CSRNP3: variants seen among roughly 807,000 people sequenced by gnomAD.
CSRNP3 encodes the protein cysteine/serine-rich nuclear protein 3.
CSRNP3 carries 12 observed loss-of-function variants against 48.0 expected under a neutral mutation model. The observed-to-expected ratio is 0.25, with a 90% CI of 0.16 to 0.41. CSRNP3 has a LOEUF of 0.41. CSRNP3 is among the 10% of genes least tolerant of loss of function. The pLI, the probability that CSRNP3 is intolerant of heterozygous loss-of-function variation, is 1.00. For synonymous variants in CSRNP3, 263 were observed against 269.7 expected, an observed-to-expected ratio of 0.98 and a Z score of 0.24; for missense variants, 580 against 724.4, an observed-to-expected ratio of 0.80 and a Z score of 2.29.
At chr2:165,664,446 C>T (rs1056374602) in intron 5 of CSRNP3, among the ~76,000 whole-genome samples, 4 of 152,202 alleles carry the variant, frequency 2.6e-5, no homozygotes, top group Non-Finnish European at 5.9e-5. Context: ...CCATGTGACC[C>T]GAATTCTGCC....
Position 165,679,893 on chromosome 2 carries a change from T to C in CSRNP3, c.*140T>C, listed in dbSNP as rs541881313. 31 of 1,233,298 alleles carry C rather than the reference T, an allele frequency of 2.5e-5. No individual in the cohort carries two copies. The African/African-American group carries it at 4.5e-4, about 18-fold the overall frequency. The allele number at this position is 1,233,298 out of a possible 1,614,324, so 76.4% of individuals were successfully genotyped here. On this transcript the variant is annotated 3_prime_UTR_variant, in exon 7 of 7. Transcript: ENST00000651982. ...AATCTTCCAGACTGTATTTTGTTTTTTCCTTTCTAGCCACATGACTGTGGC... is the reference window on the plus strand; with the variant it reads ...AATCTTCCAGACTGTATTTTGTTTTCTCCTTTCTAGCCACATGACTGTGGC...
chr2:165,595,110 C>T lies in CSRNP3; in HGVS notation c.45C>T (p.Ser15=), dbSNP rs1239343537. The part of the protein sequence containing the change: ...LKRKFEEVDG[S]SPCSSVRESD... ...GGAAGTTTGAAGAAGTTGACGGCTC[C>T]TCACCCTGCTCCTCTGTGAGGGAAT... The change falls in exon 4 of 7, where the codon TCC becomes TCT. Residue 15 remains serine (S), a synonymous_variant. Transcript: ENST00000651982. 26 of 1,614,096 alleles carry T rather than the reference C, an allele frequency of 1.6e-5. No homozygotes were observed. Among genetic ancestry groups the T allele is most frequent in the Non-Finnish European group, 2.2e-5 (26 of 1,179,968 alleles).
chr2:165,492,999 G>A (rs928436392), intron 1 of CSRNP3, among the ~76,000 whole-genome samples: 1 of 149,346 alleles, frequency 6.7e-6, no homozygotes, highest in South Asian at 2.1e-4. Context: ...ATGATGATAC[G>A]ATAAGGTAGA....
intron 4 of CSRNP3, among the ~76,000 whole-genome samples, chr2:165,630,382 C>G (rs752667554): frequency 3.3e-5 from 5 of 152,068 alleles, no homozygotes; most frequent in Non-Finnish European, 7.4e-5. Flanking sequence ...GATTTATTGC[C>G]TTTCCCTCTT....
chr2:165,555,079 T>C (rs1685144584), intron 3 of CSRNP3, among the ~76,000 whole-genome samples: 1 of 152,152 alleles, frequency 6.6e-6, no homozygotes, highest in East Asian at 1.9e-4. Context: ...CTCACCTCCT[T>C]CAGGTCTTTG....
At position 165,566,342 on chromosome 2, in the gene CSRNP3, C is replaced by A. The variant is rs539104951; in HGVS notation, c.-23-28701C>A. ...TATTTTCCATAAAAGAACTCCTACT[C>A]ATTCCTGAAGATTTATTTCCCATGT... is the stretch of plus-strand genomic sequence containing the variant. On this transcript the variant is annotated intron_variant, in intron 3 of 6. Coordinates refer to ENST00000651982, the MANE Select transcript of CSRNP3 (RefSeq NM_001172173.2). Among the ~76,000 whole-genome samples, 7 of 152,014 alleles carry A rather than the reference C, an allele frequency of 4.6e-5. No individual in the cohort carries two copies. In the South Asian group the frequency reaches 1.2e-3, roughly 27 times the overall value.
chr2:165,599,346 A>C (rs1685871885), intron 4 of CSRNP3, among the ~76,000 whole-genome samples: 1 of 150,900 alleles, frequency 6.6e-6, no homozygotes, highest in Admixed American at 6.6e-5. Context: ...AAAAAAAGAA[A>C]GACGAAAGGA....
At chr2:165,524,161 CGATTAACAAACCCAG>C (rs1211447297) in intron 3 of CSRNP3, among the ~76,000 whole-genome samples, 1 of 152,028 alleles carries the variant, frequency 6.6e-6, no homozygotes, top group Admixed American at 6.6e-5. Context: ...CAAGGAAAGT[CGATTAACAAACCCAG>C]GTACACATAA....
chr2:165,616,867 TTTTTTGG>T (rs773539786), intron 4 of CSRNP3, among the ~76,000 whole-genome samples: 4 of 152,098 alleles, frequency 2.6e-5, no homozygotes, highest in Non-Finnish European at 5.9e-5. Flanking sequence ...TTGTTTTTTG[TTTTTTGG>T]TCTGACTGGG....
intron 2 of CSRNP3, among the ~76,000 whole-genome samples, chr2:165,497,005 A>T (rs1055459564): frequency 6.6e-6 from 1 of 152,084 alleles, no homozygotes; most frequent in African/African-American, 2.4e-5. Context: ...GATGAAAGTG[A>T]TGTTCTGGTT....
At chr2:165,635,783 A>C (rs1458013620) in intron 4 of CSRNP3, among the ~76,000 whole-genome samples, 1 of 152,128 alleles carries the variant, frequency 6.6e-6, no homozygotes, top group Admixed American at 6.6e-5. Context: ...GTAGGCCAGA[A>C]CTACACAATT....
chr2:165,597,347 T>G (rs1685829028), intron 4 of CSRNP3, among the ~76,000 whole-genome samples: 1 of 152,130 alleles, frequency 6.6e-6, no homozygotes, highest in East Asian at 1.9e-4. Flanking sequence ...TATGAAAATT[T>G]TATATATAAG....
At chr2:165,676,254 A>G (rs575125342) in intron 5 of CSRNP3, 58 bp from the exon 6 acceptor site, 2 of 1,314,992 alleles carry the variant, frequency 1.5e-6, no homozygotes, top group Non-Finnish European at 2.2e-6. Context: ...CAGTACAAAC[A>G]TACAGATTTT....
intron 4 of CSRNP3, among the ~76,000 whole-genome samples, chr2:165,617,610 T>G (rs1464201618): frequency 6.6e-6 from 1 of 152,140 alleles, no homozygotes; most frequent in East Asian, 1.9e-4. Flanking sequence ...CCCTGGTTGG[T>G]GCATGCAGGC....
At chr2:165,587,104 T>G (rs1685645186) in intron 3 of CSRNP3, among the ~76,000 whole-genome samples, 1 of 152,232 alleles carries the variant, frequency 6.6e-6, no homozygotes, top group African/African-American at 2.4e-5. Flanking sequence ...TACTTTTTCA[T>G]AAATGTGCTC....
intron 3 of CSRNP3, among the ~76,000 whole-genome samples, chr2:165,527,424 C>G (rs1440942846): frequency 6.6e-6 from 1 of 151,932 alleles, no homozygotes; most frequent in Non-Finnish European, 1.5e-5. Context: ...CCAGGATGGT[C>G]TCGATCTCCT....
At chr2:165,644,731 T>C (rs973621738) in intron 4 of CSRNP3, among the ~76,000 whole-genome samples, 1 of 152,194 alleles carries the variant, frequency 6.6e-6, no homozygotes, top group African/African-American at 2.4e-5. Flanking sequence ...CTCAATTTTA[T>C]TTTTCTGGTA....
chr2:165,681,588 A>G lies in CSRNP3; in HGVS notation c.*1835A>G, dbSNP rs926178878. On this transcript the variant is annotated 3_prime_UTR_variant, in exon 7 of 7. Coordinates refer to ENST00000651982, the MANE Select transcript of CSRNP3 (RefSeq NM_001172173.2). ...TTCCCCCCTACATTGGGCCAAATTT[A>G]TAACTCTTAATATTAACATTAAAAG... 1 of 151,318 alleles carries G rather than the reference A, an allele frequency of 6.6e-6. No homozygotes were observed. The highest frequency in any genetic ancestry group is 1.5e-5 in the Non-Finnish European group (1 of 67,844). The allele number at this position is 151,318 out of a possible 1,614,324, so 9.4% of individuals were successfully genotyped here.
At chr2:165,653,383 A>G (rs992299817) in intron 4 of CSRNP3, among the ~76,000 whole-genome samples, 1 of 152,204 alleles carries the variant, frequency 6.6e-6, no homozygotes, top group Non-Finnish European at 1.5e-5. Context: ...ACCCTAATAG[A>G]TAGGAGGAAG....
Sources: gnomAD v4.1 joint callset for allele counts (sites outside exome capture counted in the v4.1 genomes callset) on GRCh38, gnomAD v4.1.1 for gene constraint, MANE v1.5 for transcripts, NCBI Gene and HGNC (gene_info 2026-07-23, HGNC 2026-07-21) for gene names.